CWF19L2: variants seen among roughly 807,000 people sequenced by gnomAD.
The protein encoded by CWF19L2 is CWF19 like cell cycle control factor 2, also known as CWF19-like protein 2.
Under a neutral mutation model 111.7 loss-of-function variants are expected in CWF19L2, and 98 were observed. The ratio of observed to expected loss-of-function variants is 0.88; its 90% CI spans 0.75 to 1.04. The LOEUF is 1.04. Ranked by LOEUF, CWF19L2 falls within the 50% of genes least tolerant of loss-of-function variation. CWF19L2 has a pLI of 0.00. For synonymous variants in CWF19L2, 351 were observed against 342.9 expected (o/e 1.02, Z -0.26); for missense variants, 1,101 against 1,051.4 (o/e 1.05, Z -0.65).
At chr11:107,428,165 G>C (rs1395757580) in intron 8 of CWF19L2, among the ~76,000 whole-genome samples, 2 of 151,986 alleles carry the variant, frequency 1.3e-5, no homozygotes, top group Non-Finnish European at 2.9e-5. Flanking sequence ...CTTAGGTTTA[G>C]TCCCATTCAA....
intron 12 of CWF19L2, among the ~76,000 whole-genome samples, chr11:107,356,237 A>T (rs890573210): frequency 1.3e-5 from 2 of 152,224 alleles, no homozygotes; most frequent in African/African-American, 4.8e-5. Context: ...CTGCTAAAGC[A>T]TAATTTAGAG....
At chr11:107,408,834 A>G (rs926776409) in intron 10 of CWF19L2, among the ~76,000 whole-genome samples, 2 of 152,034 alleles carry the variant, frequency 1.3e-5, no homozygotes, top group Admixed American at 6.6e-5. Flanking sequence ...AAGTGTGCCT[A>G]CAGTAACATG....
intron 12 of CWF19L2, among the ~76,000 whole-genome samples, chr11:107,372,821 C>A (rs1272697247): frequency 7.6e-6 from 1 of 130,956 alleles, no homozygotes; most frequent in East Asian, 2.2e-4. Flanking sequence ...GCGTGAGCGA[C>A]GCAGAAGACG....
rs1021990279 is a variant in CWF19L2 at position 107,378,180 on chromosome 11, T to G, written c.1872+11894A>C. Among the ~76,000 whole-genome samples, 36 of 150,164 alleles carry G rather than the reference T, an allele frequency of 2.4e-4. 1 individual carries two copies. The highest frequency in any genetic ancestry group is 9.0e-4 in the African/African-American group (36 of 40,128). On this transcript the variant is annotated intron_variant, in intron 12 of 17. Transcript: ENST00000282251. ...TTACACTGTTGGTGGGACTGTCAACTAGTTCAACCATTGTGGAAGTCAGTG... is the reference window on the plus strand; with the variant it reads ...TTACACTGTTGGTGGGACTGTCAACGAGTTCAACCATTGTGGAAGTCAGTG...
chr11:107,336,461 G>GTA (rs1422566660), intron 15 of CWF19L2, 97 bp downstream of exon 15: 2 of 988,576 alleles, frequency 2.0e-6, no homozygotes, highest in African/African-American at 3.5e-5. Flanking sequence ...TTTGATGTAA[G>GTA]TATATAGGAG....
chr11:107,434,216 G>A (rs146575421), intron 6 of CWF19L2, among the ~76,000 whole-genome samples: 1 of 151,360 alleles, frequency 6.6e-6, no homozygotes, highest in African/African-American at 2.4e-5. Context: ...ACAGAGAAAG[G>A]GAGAGAAAAA....
chr11:107,334,755 T>C (rs1198545316), intron 16 of CWF19L2, 126 bp downstream of exon 16: 2 of 695,198 alleles, frequency 2.9e-6, no homozygotes, highest in Non-Finnish European at 5.1e-6. Context: ...ATAACTTCAT[T>C]TGTCGAACTA....
At chr11:107,378,997 C>A (rs935301579) in intron 12 of CWF19L2, among the ~76,000 whole-genome samples, 1 of 152,058 alleles carries the variant, frequency 6.6e-6, no homozygotes, top group Non-Finnish European at 1.5e-5. Flanking sequence ...GCTTTCTAAT[C>A]TAGGTTAGAT....
intron 12 of CWF19L2, among the ~76,000 whole-genome samples, chr11:107,358,496 C>T (rs1007501972): frequency 6.6e-6 from 1 of 152,122 alleles, no homozygotes; most frequent in African/African-American, 2.4e-5. Context: ...AGAAACTCCA[C>T]AATGTAGTAT....
chr11:107,333,097 A>G (rs1859873728), intron 16 of CWF19L2, among the ~76,000 whole-genome samples: 1 of 151,778 alleles, frequency 6.6e-6, no homozygotes, highest in Non-Finnish European at 1.5e-5. Context: ...CTAAAAAAAA[A>G]AAAAGGTAAA....
chr11:107,430,998 A>T (rs1399172733), intron 7 of CWF19L2, among the ~76,000 whole-genome samples: 1 of 151,972 alleles, frequency 6.6e-6, no homozygotes, highest in Non-Finnish European at 1.5e-5. Flanking sequence ...TATACAACAT[A>T]AAAAATAAAA....
At chr11:107,378,029 C>G (rs1349982228) in intron 12 of CWF19L2, among the ~76,000 whole-genome samples, 1 of 151,822 alleles carries the variant, frequency 6.6e-6, no homozygotes, top group Non-Finnish European at 1.5e-5. Flanking sequence ...CTCACCATCA[C>G]TGGCCATCAG....
At chr11:107,369,422 T>C (rs1214043075) in intron 12 of CWF19L2, among the ~76,000 whole-genome samples, 1 of 137,214 alleles carries the variant, frequency 7.3e-6, no homozygotes, top group Non-Finnish European at 1.6e-5. Context: ...CTACAATCCA[T>C]AAACATTTGA....
At chr11:107,390,930 T>C (rs1860837914) in intron 11 of CWF19L2, among the ~76,000 whole-genome samples, 1 of 152,166 alleles carries the variant, frequency 6.6e-6, no homozygotes, top group Admixed American at 6.5e-5. Flanking sequence ...GAGTCAGAGA[T>C]GTTGAAATGA....
chr11:107,354,888 ATAC>A (rs1860213153), intron 12 of CWF19L2, among the ~76,000 whole-genome samples: 1 of 152,146 alleles, frequency 6.6e-6, no homozygotes, highest in Non-Finnish European at 1.5e-5. Context: ...TCATTTTTCA[ATAC>A]TATGGTAAGA....
Position 107,326,726 on chromosome 11 carries a change from C to T in CWF19L2, c.*184G>A. 2.2e-6 allele frequency: 1 copy of T among 456,816 alleles called. No homozygotes were observed. Among genetic ancestry groups the T allele is most frequent in the Non-Finnish European group, 3.8e-6 (1 of 260,090 alleles). The allele number at this position is 456,816 out of a possible 1,614,324, so 28.3% of individuals were successfully genotyped here. A position where few individuals can be genotyped will look rare whatever the true frequency, so the allele number is the denominator to read the frequency against. ...ACTCCATGGTGACTAAAATGAAGTC[C>T]ATAGATAGGAGCAGGTGAAGAAGAA... On this transcript the variant is annotated 3_prime_UTR_variant, in exon 18 of 18. Transcript: ENST00000282251.
chr11:107,343,004 G>C (rs1250978145), intron 14 of CWF19L2, among the ~76,000 whole-genome samples: 1 of 152,126 alleles, frequency 6.6e-6, no homozygotes, highest in African/African-American at 2.4e-5. Flanking sequence ...AACCAGTCCA[G>C]TAGATACCTT....
At chr11:107,338,507 T>A (rs1859960257) in intron 14 of CWF19L2, among the ~76,000 whole-genome samples, 1 of 152,152 alleles carries the variant, frequency 6.6e-6, no homozygotes, top group Non-Finnish European at 1.5e-5. Flanking sequence ...GATCATCCCG[T>A]TACCTAGGTA....
intron 13 of CWF19L2, among the ~76,000 whole-genome samples, chr11:107,352,615 G>C (rs1357050503): frequency 2.6e-5 from 4 of 151,998 alleles, no homozygotes; most frequent in African/African-American, 9.7e-5. Flanking sequence ...AATATAATTA[G>C]TTAAGATGGA....
Sources: gnomAD v4.1 joint callset for allele counts (sites outside exome capture counted in the v4.1 genomes callset) on GRCh38, gnomAD v4.1.1 for gene constraint, MANE v1.5 for transcripts, NCBI Gene and HGNC (gene_info 2026-07-23, HGNC 2026-07-21) for gene names.